The following GNG4 variants were observed in gnomAD, a reference collection of about 807,000 sequenced individuals.
GNG4 encodes G protein subunit gamma 4, also known as guanine nucleotide-binding protein G(I)/G(S)/G(O) subunit gamma-4.
Under a neutral mutation model 5.8 loss-of-function variants are expected in GNG4, and 4 were observed. That is an observed-to-expected ratio of 0.69 (90% CI 0.34 to 1.57). The LOEUF (loss-of-function observed/expected upper bound fraction) is 1.57, where lower values mean the gene tolerates loss of function less well. Ranked by LOEUF, GNG4 falls within the 40% of genes most tolerant of loss-of-function variation. The pLI, the probability that GNG4 is intolerant of heterozygous loss-of-function variation, is 0.06. For synonymous variants in GNG4, 29 were observed against 32.9 expected (o/e 0.88, Z 0.41); for missense variants, 96 against 95.1 (o/e 1.01, Z -0.04).
intron 1 of GNG4, among the ~76,000 whole-genome samples, chr1:235,604,942 A>G (rs1055269654): frequency 5.9e-5 from 9 of 152,170 alleles, no homozygotes; most frequent in Non-Finnish European, 1.0e-4. Flanking sequence ...AGAGGAATGT[A>G]TCTCAGGGTG....
intron 2 of GNG4, among the ~76,000 whole-genome samples, chr1:235,593,922 G>C (rs373875381): frequency 6.6e-6 from 1 of 152,168 alleles, no homozygotes; most frequent in African/African-American, 2.4e-5. Context: ...AGCGTGCATG[G>C]GGACCCAAGC....
intron 1 of GNG4, among the ~76,000 whole-genome samples, chr1:235,625,670 T>G (rs1201498686): frequency 6.6e-6 from 1 of 152,242 alleles, no homozygotes; most frequent in Non-Finnish European, 1.5e-5. Context: ...GGATGTCATA[T>G]AGTGGGAATC....
In GNG4 at chr1:235,583,862, A is replaced by C; in HGVS notation, c.-10-14T>G. The C allele has an allele frequency of 6.6e-7, 1 of 1,524,374 alleles. No homozygotes were observed. Among genetic ancestry groups the C allele is most frequent in the Non-Finnish European group, 9.1e-7 (1 of 1,099,072 alleles). The allele number at this position is 1,524,374 out of a possible 1,614,324, so 94.4% of individuals were successfully genotyped here. A position where few individuals can be genotyped will look rare whatever the true frequency, so the allele number is the denominator to read the frequency against. On this transcript the variant is annotated splice_polypyrimidine_tract_variant and intron_variant, in intron 2 of 3. Transcript: ENST00000391854. ...ATTCTACTGCCCCTAGAAGTAACCA[A>C]AGTAAAAGGGTTAGAAGAGCTGCTC... is the stretch of plus-strand genomic sequence containing the variant.
At chr1:235,562,113 C>T (rs1190019052) in intron 3 of GNG4, among the ~76,000 whole-genome samples, 1 of 152,132 alleles carries the variant, frequency 6.6e-6, no homozygotes, top group Non-Finnish European at 1.5e-5. Context: ...GATCAGCTGG[C>T]TATATTTACA....
chr1:235,583,696 G>T, intron 3 of GNG4, 44 bp downstream of exon 3: 1 of 1,273,462 alleles, frequency 7.9e-7, no homozygotes, highest in Non-Finnish European at 1.1e-6. Flanking sequence ...AATGTTTTGA[G>T]CTGAGCTTCG....
intron 3 of GNG4, among the ~76,000 whole-genome samples, chr1:235,572,793 C>T (rs533470692): frequency 3.3e-4 from 50 of 151,894 alleles, no homozygotes; most frequent in Admixed American, 5.9e-4. Flanking sequence ...AGCCACCATG[C>T]CGGGTCAAAA....
intron 3 of GNG4, among the ~76,000 whole-genome samples, chr1:235,570,862 A>G (rs12075885): frequency 0.19 from 27,277 of 141,372 alleles, 3,021 homozygotes; most frequent in African/African-American, 0.28. Flanking sequence ...ATATATATAT[A>G]TGTGTGTGTG....
chr1:235,598,655 G>A (rs1317259739), intron 1 of GNG4, among the ~76,000 whole-genome samples: 1 of 151,730 alleles, frequency 6.6e-6, no homozygotes, highest in African/African-American at 2.4e-5. Context: ...TGATGCCCAA[G>A]TCAAACCCCA....
intron 3 of GNG4, among the ~76,000 whole-genome samples, chr1:235,578,155 A>T (rs1414160326): frequency 6.6e-6 from 1 of 152,096 alleles, no homozygotes; most frequent in Non-Finnish European, 1.5e-5. Flanking sequence ...CTTCATACTC[A>T]TTAGGGTGAC....
intron 3 of GNG4, among the ~76,000 whole-genome samples, chr1:235,577,560 C>G (rs1219915372): frequency 6.6e-6 from 1 of 152,178 alleles, no homozygotes; most frequent in Non-Finnish European, 1.5e-5. Context: ...CCTGCCTCAG[C>G]CTCCCAAGTA....
chr1:235,592,746 T>C (rs1250798243), intron 2 of GNG4, among the ~76,000 whole-genome samples: 1 of 152,194 alleles, frequency 6.6e-6, no homozygotes, highest in Non-Finnish European at 1.5e-5. Context: ...CAATCTTACC[T>C]GTAACTTCTT....
chr1:235,628,199 A>C (rs113101531), intron 1 of GNG4, among the ~76,000 whole-genome samples: 5,001 of 152,064 alleles, frequency 0.033, 260 homozygotes, highest in African/African-American at 0.11. Context: ...CAACAAAGAC[A>C]ACAACAACAA....
At chr1:235,581,957 G>A (rs1359532139) in intron 3 of GNG4, among the ~76,000 whole-genome samples, 1 of 152,198 alleles carries the variant, frequency 6.6e-6, no homozygotes, top group Non-Finnish European at 1.5e-5. Flanking sequence ...GAGAACGCCT[G>A]GGCAAAGGAG....
intron 3 of GNG4, 67 bp from the exon 4 acceptor site, chr1:235,552,304 T>TGTCCACGTACAGAGGGGACAAGCC (rs1686775795): frequency 6.9e-7 from 1 of 1,455,514 alleles, no homozygotes; most frequent in African/African-American, 1.4e-5. Context: ...AGGGAAGAGG[T>TGTCCACGTACAGAGGGGACAAGCC]GTCCACGTAC....
At chr1:235,579,101 A>G (rs1025967863) in intron 3 of GNG4, among the ~76,000 whole-genome samples, 3 of 152,004 alleles carry the variant, frequency 2.0e-5, no homozygotes, top group Non-Finnish European at 4.4e-5. Context: ...CATCTCAAAA[A>G]AAAAAAAAAA....
intron 3 of GNG4, among the ~76,000 whole-genome samples, chr1:235,559,519 G>A (rs1687003787): frequency 6.6e-6 from 1 of 152,148 alleles, no homozygotes; most frequent in Non-Finnish European, 1.5e-5. Flanking sequence ...ATGGCTTTCA[G>A]AGGATCCCAG....
chr1:235,587,290 TG>T (rs1470197709), intron 2 of GNG4, among the ~76,000 whole-genome samples: 5 of 39,448 alleles, frequency 1.3e-4, no homozygotes, highest in Non-Finnish European at 2.1e-4. Flanking sequence ...AGGTGTGGGT[TG>T]GGGTGTGTGT....
intron 2 of GNG4, among the ~76,000 whole-genome samples, chr1:235,587,593 G>C (rs1225071884): frequency 1.1e-3 from 2 of 1,746 alleles, no homozygotes; most frequent in Non-Finnish European, 3.1e-3. Flanking sequence ...GTGAGTGTGA[G>C]TGTGGGAGGG....
intron 2 of GNG4, among the ~76,000 whole-genome samples, chr1:235,587,783 T>TGTAA (rs141039368): frequency 0.44 from 55,083 of 125,916 alleles, 12,019 homozygotes; most frequent in East Asian, 0.8. Context: ...GGTGGGGGTG[T>TGTAA]GTGTGTGTGT....
Sources: allele counts gnomAD v4.1 joint callset (sites outside exome capture counted in the v4.1 genomes callset), GRCh38; gene constraint gnomAD v4.1.1; transcripts MANE v1.5; gene names NCBI Gene and HGNC (gene_info 2026-07-23, HGNC 2026-07-21).